The following UNC5D variants were observed in gnomAD, a reference collection of about 807,000 sequenced individuals.
The protein encoded by UNC5D is unc-5 netrin receptor D.
In UNC5D, 39 loss-of-function variants were observed where a neutral mutation model predicts 105.4. That is an observed-to-expected ratio of 0.37 (90% CI 0.29 to 0.48). UNC5D has a LOEUF of 0.48. Ranked by LOEUF, UNC5D falls within the 20% of genes least tolerant of loss-of-function variation. The pLI, the probability that UNC5D is intolerant of heterozygous loss-of-function variation, is 0.98. For missense variants in UNC5D, 991 were observed against 1,202.4 expected, an observed-to-expected ratio of 0.82 and a Z score of 2.60; for synonymous variants, 452 against 450.4, an observed-to-expected ratio of 1.00 and a Z score of -0.04.
intron 1 of UNC5D, among the ~76,000 whole-genome samples, chr8:35,406,915 A>G (rs528235564): frequency 1.3e-5 from 2 of 152,270 alleles, no homozygotes; most frequent in South Asian, 4.1e-4. Flanking sequence ...TAGATGGTAT[A>G]TATGGTGCAT....
chr8:35,692,611 C>T (rs1006271597), intron 7 of UNC5D, among the ~76,000 whole-genome samples: 2 of 152,172 alleles, frequency 1.3e-5, no homozygotes, highest in Non-Finnish European at 2.9e-5. Flanking sequence ...TCATACTTGA[C>T]TCAATCTAGA....
At chr8:35,585,319 C>G (rs1649756350) in intron 3 of UNC5D, among the ~76,000 whole-genome samples, 1 of 152,132 alleles carries the variant, frequency 6.6e-6, no homozygotes, top group South Asian at 2.1e-4. Flanking sequence ...AGCCAAACAC[C>G]CTGCTGTCCC....
chr8:35,386,620 T>TG (rs1803416494), intron 1 of UNC5D, among the ~76,000 whole-genome samples: 1 of 152,234 alleles, frequency 6.6e-6, no homozygotes, highest in Admixed American at 6.5e-5. Context: ...CTCTGACCTA[T>TG]GAAAAATTGT....
chr8:35,337,152 T>C (rs1014472565), intron 1 of UNC5D, among the ~76,000 whole-genome samples: 4 of 152,174 alleles, frequency 2.6e-5, no homozygotes, highest in African/African-American at 4.8e-5. Flanking sequence ...AATATCTTAA[T>C]TTTGTCTTTT....
At chr8:35,646,412 C>T (rs553799142) in intron 4 of UNC5D, among the ~76,000 whole-genome samples, 95 of 152,184 alleles carry the variant, frequency 6.2e-4, no homozygotes, top group South Asian at 1.4e-3. Context: ...AAAATCAGCT[C>T]ATTTTTGCCT....
intron 1 of UNC5D, among the ~76,000 whole-genome samples, chr8:35,329,502 C>A (rs13252886): frequency 0.35 from 53,372 of 150,974 alleles, 10,348 homozygotes; most frequent in Middle Eastern, 0.46. Context: ...CTAATGAGAC[C>A]GGAGAATAGA....
Position 35,733,028 on chromosome 8 carries a change from C to A in UNC5D, c.1766+1932C>A, listed in dbSNP as rs974118479. Among the ~76,000 whole-genome samples the A allele has an allele frequency of 5.9e-5, 9 of 152,052 alleles. No individual in the cohort carries two copies. In the East Asian group the frequency reaches 1.7e-3, roughly 29 times the overall value. On this transcript the variant is annotated intron_variant, in intron 11 of 16. Transcript: ENST00000404895. ...TGCTGTCTAGGAAGGTGGACAGAAACAGAAGAACCTTCTCTAACACTTTAG... is the reference window on the plus strand; with the variant it reads ...TGCTGTCTAGGAAGGTGGACAGAAAAAGAAGAACCTTCTCTAACACTTTAG...
At chr8:35,418,441 C>T (rs1805667136) in intron 1 of UNC5D, among the ~76,000 whole-genome samples, 1 of 152,170 alleles carries the variant, frequency 6.6e-6, no homozygotes, top group Non-Finnish European at 1.5e-5. Context: ...AATCCAAGTG[C>T]ACATTAGTGA....
At chr8:35,654,302 G>A (rs1023451755) in intron 4 of UNC5D, among the ~76,000 whole-genome samples, 3 of 152,248 alleles carry the variant, frequency 2.0e-5, no homozygotes, top group Admixed American at 6.5e-5. Context: ...TGAGAAAGAC[G>A]TTTGGTTTTC....
intron 1 of UNC5D, among the ~76,000 whole-genome samples, chr8:35,418,002 C>A (rs893008227): frequency 1.1e-4 from 16 of 152,272 alleles, no homozygotes; most frequent in African/African-American, 3.6e-4. Context: ...CTTAGGTGAG[C>A]TAGTTTAAAT....
At chr8:35,600,503 C>A (rs1409800046) in intron 4 of UNC5D, among the ~76,000 whole-genome samples, 1 of 152,016 alleles carries the variant, frequency 6.6e-6, no homozygotes, top group Non-Finnish European at 1.5e-5. Context: ...TTCTAACTGG[C>A]GTGAGATTCT....
chr8:35,525,632 G>C (rs1333167332), intron 1 of UNC5D: 9 of 1,613,388 alleles, frequency 5.6e-6, no homozygotes, highest in Non-Finnish European at 7.6e-6. Flanking sequence ...CACTGGAAGA[G>C]GGACATTTTA....
At chr8:35,437,688 G>A (rs1807114172) in intron 1 of UNC5D, among the ~76,000 whole-genome samples, 1 of 152,064 alleles carries the variant, frequency 6.6e-6, no homozygotes, top group Non-Finnish European at 1.5e-5. Context: ...CGATATCTAA[G>A]AAGGCTATAG....
chr8:35,553,974 G>A (rs1049969432), intron 2 of UNC5D, among the ~76,000 whole-genome samples: 10 of 152,272 alleles, frequency 6.6e-5, no homozygotes, highest in African/African-American at 2.2e-4. Context: ...AAGTCCTGTC[G>A]AAAGTAACTC....
intron 1 of UNC5D, among the ~76,000 whole-genome samples, chr8:35,346,652 G>T (rs1047603898): frequency 2.0e-5 from 3 of 151,876 alleles, no homozygotes; most frequent in African/African-American, 7.3e-5. Flanking sequence ...TTTATGTTCA[G>T]CTATGTAATA....
intron 1 of UNC5D, among the ~76,000 whole-genome samples, chr8:35,502,035 T>C (rs886113369): frequency 3.3e-5 from 5 of 152,238 alleles, no homozygotes; most frequent in Non-Finnish European, 5.9e-5. Context: ...AAAGGGATGA[T>C]GCATTGTTTT....
intron 1 of UNC5D, among the ~76,000 whole-genome samples, chr8:35,362,880 C>A (rs1801927915): frequency 1.3e-5 from 2 of 152,046 alleles, no homozygotes; most frequent in Non-Finnish European, 2.9e-5. Flanking sequence ...GCTGTGTTTC[C>A]AAAACCTTAA....
intron 1 of UNC5D, among the ~76,000 whole-genome samples, chr8:35,320,154 A>G (rs946771998): frequency 2.0e-5 from 3 of 152,086 alleles, no homozygotes; most frequent in African/African-American, 4.8e-5. Context: ...GACATCAATC[A>G]GTATATGTAA....
At chr8:35,774,063 C>T (rs140966360) in intron 15 of UNC5D, among the ~76,000 whole-genome samples, 74 of 152,194 alleles carry the variant, frequency 4.9e-4, no homozygotes, top group African/African-American at 1.5e-3. Flanking sequence ...GTCATTGTGA[C>T]GCCCCTGAGT....
Sources: gnomAD v4.1 joint callset for allele counts (sites outside exome capture counted in the v4.1 genomes callset) on GRCh38, gnomAD v4.1.1 for gene constraint, MANE v1.5 for transcripts, NCBI Gene and HGNC (gene_info 2026-07-23, HGNC 2026-07-21) for gene names.